Variants in TSC22D2 observed in about 807,000 individuals in gnomAD.
TSC22D2 encodes TSC22 domain family member 2.
Under a neutral mutation model 50.1 loss-of-function variants are expected in TSC22D2, and 5 were observed. That is an observed-to-expected ratio of 0.10 (90% CI 0.05 to 0.21). The LOEUF (loss-of-function observed/expected upper bound fraction) is 0.21. Among genes scored for constraint, TSC22D2 ranks in the 10% least tolerant of loss-of-function variants. The probability of loss-of-function intolerance (pLI) is 1.00; values close to 1 mark genes in which losing one functional copy is unlikely to be tolerated. For synonymous variants in TSC22D2, 501 were observed against 450.1 expected (o/e 1.11, Z -1.43); for missense variants, 1,003 against 1,015.5 (o/e 0.99, Z 0.17).
At chr3:150,424,828 G>GT (rs979831575) in intron 1 of TSC22D2, among the ~76,000 whole-genome samples, 11 of 152,316 alleles carry the variant, frequency 7.2e-5, no homozygotes, top group African/African-American at 2.6e-4. Flanking sequence ...ATTCTTCACT[G>GT]TAAGTTGGCC....
rs1279724606 is a variant in TSC22D2, at chr3:150,410,013, C to G, written c.663C>G (p.Thr221=). ...AGCGGGACAGCGGCCTGGGCGCCAC[C>G]GGAGGGTCGGTGGTGGTAGTAGTGG... ...TAERDSGLGA[T]GGSVVVVVAS... The change falls in exon 1 of 3, where the codon ACC becomes ACG. Residue 221 remains threonine, a synonymous_variant. Coordinates refer to ENST00000688009, the MANE Select transcript of TSC22D2 (RefSeq NM_001303264.2). 1 of 1,613,486 alleles carries G rather than the reference C, an allele frequency of 6.2e-7. No individual in the cohort carries two copies. The highest frequency in any genetic ancestry group is 8.5e-7 in the Non-Finnish European group (1 of 1,180,024).
intron 1 of TSC22D2, among the ~76,000 whole-genome samples, chr3:150,453,452 A>G (rs971497127): frequency 6.6e-6 from 1 of 152,222 alleles, no homozygotes. Flanking sequence ...GCTTAAGACT[A>G]CCATATTGGT....
At chr3:150,429,066 A>G (rs1261058060) in intron 1 of TSC22D2, among the ~76,000 whole-genome samples, 2 of 152,180 alleles carry the variant, frequency 1.3e-5, no homozygotes, top group Non-Finnish European at 2.9e-5. Flanking sequence ...GGCTGTGATT[A>G]TCAGTAAACC....
chr3:150,451,100 C>G (rs1317455548), intron 1 of TSC22D2, among the ~76,000 whole-genome samples: 1 of 152,026 alleles, frequency 6.6e-6, no homozygotes, highest in Non-Finnish European at 1.5e-5. Context: ...CCAAATTTAC[C>G]AACTTAAAGG....
At chr3:150,424,758 A>G (rs540614402) in intron 1 of TSC22D2, among the ~76,000 whole-genome samples, 36 of 152,302 alleles carry the variant, frequency 2.4e-4, no homozygotes, top group Non-Finnish European at 4.4e-4. Context: ...GTTAGTGGAT[A>G]TTTGTCTGTA....
intron 1 of TSC22D2, among the ~76,000 whole-genome samples, chr3:150,452,652 C>T (rs138229896): frequency 6.6e-6 from 1 of 152,224 alleles, no homozygotes; most frequent in East Asian, 1.9e-4. Flanking sequence ...GCATGGAAAG[C>T]CAACCTGCCT....
At chr3:150,447,848 C>G (rs1251055256) in intron 1 of TSC22D2, among the ~76,000 whole-genome samples, 2 of 152,208 alleles carry the variant, frequency 1.3e-5, no homozygotes, top group African/African-American at 4.8e-5. Flanking sequence ...CAGTCTTACA[C>G]TATTTTTCCA....
rs1721517285 is a variant in TSC22D2, at chr3:150,465,254, A to G, written c.*6618A>G. Reference sequence around the variant, plus strand: ...CCCTTTTAGAAATTGGAAGCTATGAAGCTATATACCCTGTCCATTTGAAAA... The same window carrying G: ...CCCTTTTAGAAATTGGAAGCTATGAGGCTATATACCCTGTCCATTTGAAAA... On this transcript the variant is annotated 3_prime_UTR_variant, in exon 3 of 3. Coordinates refer to ENST00000688009, the MANE Select transcript of TSC22D2 (RefSeq NM_001303264.2). 6.6e-6 allele frequency: 1 copy of G among 152,214 alleles called. No homozygotes were observed. Among genetic ancestry groups the G allele is most frequent in the African/African-American group, 2.4e-5 (1 of 41,464 alleles). 9.4% of individuals were successfully genotyped at this position (152,214 alleles called of 1,614,324 possible). A position where few individuals can be genotyped will look rare whatever the true frequency, so the allele number is the denominator to read the frequency against.
chr3:150,421,174 C>T (rs1259402940), intron 1 of TSC22D2, among the ~76,000 whole-genome samples: 1 of 152,168 alleles, frequency 6.6e-6, no homozygotes, highest in Non-Finnish European at 1.5e-5. Flanking sequence ...GAATTGTAGA[C>T]TTGCAGAATA....
At chr3:150,439,499 T>G (rs1195603717) in intron 1 of TSC22D2, among the ~76,000 whole-genome samples, 1 of 152,218 alleles carries the variant, frequency 6.6e-6, no homozygotes, top group African/African-American at 2.4e-5. Context: ...TTTCTTTATT[T>G]TCTATAATCT....
chr3:150,457,174 A>G, intron 2 of TSC22D2, 47 bp downstream of exon 2: 1 of 1,528,722 alleles, frequency 6.5e-7, no homozygotes. Context: ...TGTTGGTTGT[A>G]TGGAACACTT....
At chr3:150,417,962 C>T (rs1473496355) in intron 1 of TSC22D2, among the ~76,000 whole-genome samples, 1 of 151,894 alleles carries the variant, frequency 6.6e-6, no homozygotes, top group East Asian at 1.9e-4. Flanking sequence ...GTCTGTTTTT[C>T]TTTTTTGAGA....
chr3:150,424,600 C>T (rs1720118546), intron 1 of TSC22D2, among the ~76,000 whole-genome samples: 1 of 152,142 alleles, frequency 6.6e-6, no homozygotes, highest in Non-Finnish European at 1.5e-5. Flanking sequence ...GTTGTTACAG[C>T]TAAATACTCC....
At position 150,459,433 on chromosome 3, in the gene TSC22D2, GAA is replaced by G. The variant is rs1721304026; in HGVS notation, c.*799_*800del. On this transcript the variant is annotated 3_prime_UTR_variant, in exon 3 of 3. Coordinates refer to ENST00000688009, the MANE Select transcript of TSC22D2 (RefSeq NM_001303264.2). ...GTTCATTTGTTTCTACTTTCTAAGA[GAA>G]ATTGCCACGATTCCTCTGCTTTTCA... is the stretch of plus-strand genomic sequence containing the variant. The G allele has an allele frequency of 6.6e-6, 1 of 152,496 alleles. No individual in the cohort carries two copies. The highest frequency in any genetic ancestry group is 1.5e-5 in the Non-Finnish European group (1 of 67,978). The allele number at this position is 152,496 out of a possible 1,614,324, so 9.4% of individuals were successfully genotyped here. A position where few individuals can be genotyped will look rare whatever the true frequency, so the allele number is the denominator to read the frequency against.
chr3:150,431,709 A>T (rs1720387029), intron 1 of TSC22D2, among the ~76,000 whole-genome samples: 1 of 152,208 alleles, frequency 6.6e-6, no homozygotes, highest in African/African-American at 2.4e-5. Flanking sequence ...AGCTGAAACG[A>T]CTACTAGAGT....
Position 150,409,246 on chromosome 3 carries a change from C to G in TSC22D2, c.-105C>G. On this transcript the variant is annotated 5_prime_UTR_variant, in exon 1 of 3. Coordinates refer to ENST00000688009, the MANE Select transcript of TSC22D2 (RefSeq NM_001303264.2). This position sits in a 1 kb window ranked among gnomAD's most constrained non-coding sequence, Gnocchi z 7.4. ...AACAGCGGCGGGCCTCAGACCCCAG[C>G]GCAGACTCGGACTTTGTCTTTGGGG... 7.4e-7 allele frequency: 1 copy of G among 1,349,964 alleles called. No homozygotes were observed. The highest frequency in any genetic ancestry group is 9.9e-7 in the Non-Finnish European group (1 of 1,008,054). 83.6% of individuals were successfully genotyped at this position (1,349,964 alleles called of 1,614,324 possible). A position where few individuals can be genotyped will look rare whatever the true frequency, so the allele number is the denominator to read the frequency against.
intron 1 of TSC22D2, chr3:150,423,005 G>C: frequency 7.0e-7 from 1 of 1,437,058 alleles, no homozygotes; most frequent in Non-Finnish European, 9.8e-7. Context: ...TGATTATACT[G>C]TACGTTCTCA....
At chr3:150,422,913 T>TA (rs1720060739) in intron 1 of TSC22D2, 3 of 561,798 alleles carry the variant, frequency 5.3e-6, no homozygotes, top group African/African-American at 1.9e-5. Flanking sequence ...TAAGCAAACT[T>TA]ATGTGGTTTT....
chr3:150,414,191 A>G (rs1037933437), intron 1 of TSC22D2, among the ~76,000 whole-genome samples: 2 of 152,214 alleles, frequency 1.3e-5, no homozygotes, highest in African/African-American at 4.8e-5. Context: ...AATTACCATA[A>G]AGTTTATCTT....
Sources: allele counts gnomAD v4.1 joint callset (sites outside exome capture counted in the v4.1 genomes callset), GRCh38; gene constraint gnomAD v4.1.1; non-coding constraint Gnocchi (gnomAD v3.1); transcripts MANE v1.5; gene names NCBI Gene and HGNC (gene_info 2026-07-23, HGNC 2026-07-21).